Variants in ZMYM6 observed in about 807,000 individuals in gnomAD.
The protein encoded by ZMYM6 is zinc finger MYM-type protein 6.
A neutral mutation model predicts 134.0 loss-of-function variants in ZMYM6; 90 were observed. The ratio of observed to expected loss-of-function variants is 0.67; its 90% confidence interval spans 0.57 to 0.80. The LOEUF (loss-of-function observed/expected upper bound fraction) is 0.80. Among genes scored for constraint, ZMYM6 ranks in the 30% least tolerant of loss-of-function variants. The pLI, the probability that ZMYM6 is intolerant of heterozygous loss-of-function variation, is 0.00. For missense variants in ZMYM6, 1,362 were observed against 1,533.9 expected, an observed-to-expected ratio of 0.89 and a Z score of 1.87; for synonymous variants, 481 against 524.1, an observed-to-expected ratio of 0.92 and a Z score of 1.12.
At chr1:34,995,054 GTATA>G (rs754005886) in intron 14 of ZMYM6, among the ~76,000 whole-genome samples, 6 of 124,818 alleles carry the variant, frequency 4.8e-5, no homozygotes, top group Non-Finnish European at 9.6e-5. Context: ...ACTTACATAC[GTATA>G]TATATGTAAT....
At chr1:34,989,178 G>A (rs769345404) in intron 15 of ZMYM6, 11 of 1,256,452 alleles carry the variant, frequency 8.8e-6, no homozygotes, top group Non-Finnish European at 1.1e-5. Flanking sequence ...ACATGTACAA[G>A]TAATCCCAAG....
chr1:34,991,587 T>C (rs1640674375), intron 15 of ZMYM6, among the ~76,000 whole-genome samples: 1 of 151,978 alleles, frequency 6.6e-6, no homozygotes, highest in South Asian at 2.1e-4. Context: ...CTGGTCAAAG[T>C]GATGAAACCC....
chr1:35,027,581 T>C (rs1004646764), intron 2 of ZMYM6, among the ~76,000 whole-genome samples: 4 of 152,060 alleles, frequency 2.6e-5, no homozygotes, highest in South Asian at 4.1e-4. Context: ...AGACCCCGTC[T>C]CTACAAAAAC....
At chr1:35,014,945 A>C in intron 5 of ZMYM6, 43 bp downstream of exon 5, 1 of 1,608,936 alleles carries the variant, frequency 6.2e-7, no homozygotes, top group Non-Finnish European at 8.5e-7. Context: ...TTAAAAAAAA[A>C]TCTCTTTCAG....
intron 11 of ZMYM6, among the ~76,000 whole-genome samples, chr1:35,007,552 C>T (rs1189457760): frequency 6.6e-6 from 1 of 151,624 alleles, no homozygotes; most frequent in Non-Finnish European, 1.5e-5. Flanking sequence ...CGCGTCACTG[C>T]ACTCCAGCCT....
In ZMYM6 at chr1:34,986,819, A is replaced by G. The variant is rs1010224074; in HGVS notation, c.*285T>C. 1.1e-4 allele frequency: 21 copies of G among 193,490 alleles called. No homozygotes were observed. The highest frequency in any genetic ancestry group is 4.9e-4 in the African/African-American group (21 of 43,128). The allele number at this position is 193,490 out of a possible 1,614,324, so 12.0% of individuals were successfully genotyped here. On this transcript the variant is annotated 3_prime_UTR_variant, in exon 16 of 16. Coordinates refer to ENST00000357182, the MANE Select transcript of ZMYM6 (RefSeq NM_007167.4). ...TGCTTCTAAAGGCCAAGCTGTTTCA[A>G]CATCCAGGTTGTGCTGTTACATTAT...
intron 15 of ZMYM6, 87 bp downstream of exon 15, chr1:34,992,147 C>A (rs544706289): frequency 6.5e-7 from 1 of 1,529,764 alleles, no homozygotes; most frequent in South Asian, 1.1e-5. Flanking sequence ...AAGACTCTGT[C>A]AATTATTTTC....
intron 14 of ZMYM6, among the ~76,000 whole-genome samples, chr1:34,992,895 CATATA>C (rs1359400731): frequency 7.2e-6 from 1 of 139,440 alleles, no homozygotes; most frequent in African/African-American, 2.8e-5. Context: ...AAAAATTATA[CATATA>C]ATATATATTT....
At chr1:35,028,939 C>G (rs1233474974) in intron 2 of ZMYM6, among the ~76,000 whole-genome samples, 4 of 151,960 alleles carry the variant, frequency 2.6e-5, no homozygotes, top group Admixed American at 2.0e-4. Flanking sequence ...GCCTGTAATC[C>G]TAGCACTTTG....
At chr1:35,015,743 A>AAAAAAAAAAAAAAAT in intron 4 of ZMYM6, among the ~76,000 whole-genome samples, 3 of 106,468 alleles carry the variant, frequency 2.8e-5, no homozygotes, top group African/African-American at 1.3e-4. Context: ...AAAAAAAAAA[A>AAAAAAAAAAAAAAAT]ATATATATAT....
Position 35,030,538 on chromosome 1 carries a change from A to T in ZMYM6, c.93+9T>A. ...TTTTTAAATTTTTAAATGAAGATGA[A>T]ATGCTTACTTGAGCATTGTCTGGTT... On this transcript the variant is annotated intron_variant, in intron 2 of 15. Transcript: ENST00000357182. 1 of 1,590,258 alleles carries T rather than the reference A, an allele frequency of 6.3e-7. No homozygotes were observed. Among genetic ancestry groups the T allele is most frequent in the South Asian group, 1.2e-5 (1 of 86,522 alleles).
chr1:35,012,919 T>G, intron 6 of ZMYM6: 3 of 985,270 alleles, frequency 3.0e-6, no homozygotes, highest in Non-Finnish European at 3.6e-6. Context: ...TCATTCTTGG[T>G]ATAGTCTTGT....
chr1:35,010,066 A>G (rs987592020), intron 10 of ZMYM6, among the ~76,000 whole-genome samples: 16 of 152,092 alleles, frequency 1.1e-4, no homozygotes, highest in Non-Finnish European at 2.1e-4. Flanking sequence ...CTGCAGTGCA[A>G]TGGCATGATC....
At chr1:35,001,246 G>A (rs1569756801) in intron 14 of ZMYM6, among the ~76,000 whole-genome samples, 1 of 145,008 alleles carries the variant, frequency 6.9e-6, no homozygotes, top group South Asian at 2.2e-4. Flanking sequence ...GAGAAACCAA[G>A]AAAAGATTCT....
chr1:35,007,461 G>A (rs1164416566), intron 11 of ZMYM6, among the ~76,000 whole-genome samples: 1 of 152,062 alleles, frequency 6.6e-6, no homozygotes. Flanking sequence ...GGTGGCGCAC[G>A]CCTGTAATCC....
chr1:35,010,553 G>A lies in ZMYM6; in HGVS notation c.1386C>T (p.Tyr462=). The A allele has an allele frequency of 6.2e-7, 1 of 1,613,728 alleles. No individual in the cohort carries two copies. The highest frequency in any genetic ancestry group is 1.1e-5 in the South Asian group (1 of 90,996). ...TTGCCACAACTTTATTTTTCTTCTT[G>A]TATTCATCAGAGCAATTCTTGCCAC... ...LFCGKNCSDE[Y]KKKNKVVAMC... Residue 462 remains tyrosine, a synonymous_variant, in exon 10 of 16, where the codon TAC becomes TAT. Transcript: ENST00000357182.
intron 11 of ZMYM6, among the ~76,000 whole-genome samples, chr1:35,007,312 G>A (rs188163933): frequency 3.9e-5 from 6 of 152,228 alleles, no homozygotes; most frequent in African/African-American, 1.2e-4. Context: ...GGCCAGGCAC[G>A]GTAATTGTGG....
rs201255959 is a variant in ZMYM6, at chr1:35,014,997, C to T, written c.594G>A (p.Lys198=). The change falls in exon 5 of 16, where the codon AAG becomes AAA. Residue 198 remains lysine (K), a synonymous_variant. Transcript: ENST00000357182. The stretch of plus-strand genomic sequence containing the variant: ...GTAAAATGTAACTTACATCAGCATT[C>T]TTCTGACACATACTGCACTTAGTTG... ...SISTKCSMCQ[K]NADTRFEVKY... 1.9e-6 allele frequency: 3 copies of T among 1,611,170 alleles called. No homozygotes were observed. The East Asian group carries it at 6.7e-5, about 36-fold the overall frequency.
intron 15 of ZMYM6, among the ~76,000 whole-genome samples, chr1:34,991,652 C>T (rs1420153255): frequency 6.6e-6 from 1 of 151,976 alleles, no homozygotes; most frequent in Non-Finnish European, 1.5e-5. Flanking sequence ...CACCTGTAAT[C>T]CCAGCTGCTC....
Sources: gnomAD v4.1 joint callset for allele counts (sites outside exome capture counted in the v4.1 genomes callset) on GRCh38, gnomAD v4.1.1 for gene constraint, MANE v1.5 for transcripts, NCBI Gene and HGNC (gene_info 2026-07-23, HGNC 2026-07-21) for gene names.